YJU2: variants seen among roughly 807,000 people sequenced by gnomAD.
YJU2 encodes splicing factor YJU2.
A neutral mutation model predicts 39.6 loss-of-function variants in YJU2; 28 were observed. The observed-to-expected ratio is 0.71, with a 90% CI of 0.52 to 0.97. YJU2 has a LOEUF of 0.97. YJU2 is among the 50% of genes least tolerant of loss of function. The pLI is 0.00. For missense variants in YJU2, 328 were observed against 430.4 expected, an observed-to-expected ratio of 0.76 and a Z score of 2.11; for synonymous variants, 184 against 182.4, an observed-to-expected ratio of 1.01 and a Z score of -0.07.
In YJU2 at chr19:4,258,410, G is replaced by A. The variant is rs1373968374; in HGVS notation, c.574G>A (p.Glu192Lys). The change falls in exon 5 of 8, where the codon GAG becomes AAG. Residue 192 changes from glutamate (E) to lysine (K), a missense_variant. Around this residue, in one of 2 missense-constraint regions of YJU2, gnomAD observed 244 missense variants for 264.6 expected, o/e 0.92. Transcript: ENST00000262962. The stretch of plus-strand genomic sequence containing the variant: ...GCGGAGGCAGCAGCAGGAGGAGGAC[G>A]AGCAGGAGACCGCGTGAGTCAGGGC... ...ERRRQQQEED[E>K]QETAALLEEA... is the part of the protein sequence containing the mutation. 9.4e-6 allele frequency: 15 copies of A among 1,590,210 alleles called. No individual in the cohort carries two copies. The highest frequency in any genetic ancestry group is 1.3e-5 in the African/African-American group (1 of 74,764).
intron 4 of YJU2, among the ~76,000 whole-genome samples, chr19:4,256,181 A>AAAAAAAAAAT (rs1001505791): frequency 7.9e-6 from 1 of 125,898 alleles, no homozygotes. Flanking sequence ...AAAAAAAAAA[A>AAAAAAAAAAT]ATATATATAT....
At chr19:4,251,656 G>A (rs550949304) in intron 3 of YJU2, among the ~76,000 whole-genome samples, 39 of 146,854 alleles carry the variant, frequency 2.7e-4, no homozygotes, top group African/African-American at 8.7e-4. Flanking sequence ...CTATACTCCA[G>A]TCTGGGTGAC....
At chr19:4,263,788 C>G (rs867762459) in intron 6 of YJU2, among the ~76,000 whole-genome samples, 1 of 127,370 alleles carries the variant, frequency 7.9e-6, no homozygotes, top group Non-Finnish European at 1.6e-5. Flanking sequence ...CCAGCCTGGG[C>G]AACAGAGTGA....
chr19:4,265,658 G>A (rs1003601776), intron 6 of YJU2, among the ~76,000 whole-genome samples: 6 of 151,626 alleles, frequency 4.0e-5, no homozygotes, highest in Non-Finnish European at 8.8e-5. Flanking sequence ...GCACGGTCTC[G>A]GCTCACTGCA....
intron 6 of YJU2, 36 bp from the exon 7 acceptor site, chr19:4,267,588 G>A (rs373838866): frequency 6.6e-5 from 105 of 1,601,576 alleles, no homozygotes; most frequent in Admixed American, 1.0e-4. Context: ...CCCTGGATCC[G>A]GGCCAGACCC....
intron 6 of YJU2, among the ~76,000 whole-genome samples, chr19:4,262,476 G>A (rs1429798468): frequency 6.6e-6 from 1 of 152,078 alleles, no homozygotes; most frequent in East Asian, 1.9e-4. Flanking sequence ...GGGATTACAG[G>A]CGTGAGCCAC....
chr19:4,267,170 C>A (rs554851740), intron 6 of YJU2, among the ~76,000 whole-genome samples: 1 of 151,990 alleles, frequency 6.6e-6, no homozygotes, highest in African/African-American at 2.4e-5. Flanking sequence ...CAGGAGCTCA[C>A]GGCAGAGTTG....
chr19:4,247,571 GTGGGGTGGCGCGTGTGTGTGT>G (rs1970930951), intron 1 of YJU2, among the ~76,000 whole-genome samples: 1 of 89,470 alleles, frequency 1.1e-5, no homozygotes, highest in African/African-American at 9.0e-5. Flanking sequence ...GTGGGGTGGG[GTGGGGTGGCGCGTGTGTGTGT>G]GTGTGTGTGT....
chr19:4,253,067 A>AG (rs1810568650), intron 3 of YJU2, among the ~76,000 whole-genome samples: 1 of 152,096 alleles, frequency 6.6e-6, no homozygotes, highest in Non-Finnish European at 1.5e-5. Context: ...CATCTGTCAC[A>AG]GTAAGATACT....
At chr19:4,250,917 C>G in intron 2 of YJU2, 110 bp from the exon 3 acceptor site, 1 of 1,234,354 alleles carries the variant, frequency 8.1e-7, no homozygotes. Flanking sequence ...GAGGGAGCTC[C>G]CCGTTGCTGG....
intron 6 of YJU2, among the ~76,000 whole-genome samples, chr19:4,265,874 C>A: frequency 6.6e-6 from 1 of 151,826 alleles, no homozygotes; most frequent in East Asian, 1.9e-4. Flanking sequence ...GTTGGGATTA[C>A]AGGTGTGTGC....
intron 1 of YJU2, among the ~76,000 whole-genome samples, chr19:4,247,798 A>G (rs1217647328): frequency 6.6e-6 from 1 of 151,854 alleles, no homozygotes; most frequent in Non-Finnish European, 1.5e-5. Flanking sequence ...TCTGCCTGAC[A>G]GTGGCCAAGA....
intron 6 of YJU2, among the ~76,000 whole-genome samples, chr19:4,266,345 T>C (rs2144700949): frequency 6.6e-6 from 1 of 152,250 alleles, no homozygotes; most frequent in Non-Finnish European, 1.5e-5. Flanking sequence ...CCATTCTCCA[T>C]CCCACCTAGC....
At position 4,260,696 on chromosome 19, in the gene YJU2, G is replaced by A. The variant is rs115224231; in HGVS notation, c.588-1298G>A. Among the ~76,000 whole-genome samples the A allele has an allele frequency of 4.4e-3, 666 of 150,512 alleles. 4 individuals are homozygous for A. Among genetic ancestry groups the A allele is most frequent in the African/African-American group, 0.015 (623 of 41,020 alleles). ...GGCTGGTCTCTAACCCCTGGCTCAA[G>A]CGATCCTCCCGTCTCAGCGTCCCAA... On this transcript the variant is annotated intron_variant, in intron 5 of 7. Coordinates refer to ENST00000262962, the MANE Select transcript of YJU2 (RefSeq NM_018074.6).
At chr19:4,256,652 G>A (rs1971023507) in intron 4 of YJU2, among the ~76,000 whole-genome samples, 1 of 152,204 alleles carries the variant, frequency 6.6e-6, no homozygotes, top group African/African-American at 2.4e-5. Flanking sequence ...GATGGTTGTG[G>A]CTTGGGGGCT....
rs1568359680 is a variant in YJU2, at chr19:4,247,651, GTGTGTGTGT to G, written c.24+482_24+490del. On this transcript the variant is annotated intron_variant, in intron 1 of 7. Coordinates refer to ENST00000262962, the MANE Select transcript of YJU2 (RefSeq NM_018074.6). Reference sequence around the variant, plus strand: ...TGTGTGTGTGTGTGTGTGTGTGTGTGTGTGTGTGTGTGTGTGTGTGTGTGTGTGTGTGTG... The same window carrying G: ...TGTGTGTGTGTGTGTGTGTGTGTGTGGTGTGTGTGTGTGTGTGTGTGTGTG... Among the ~76,000 whole-genome samples, 65 of 70,096 alleles carry G rather than the reference GTGTGTGTGT, an allele frequency of 9.3e-4. 9 individuals carry two copies. The highest frequency in any genetic ancestry group is 1.9e-3 in the African/African-American group (28 of 14,874). The allele number at this position is 70,096 out of a possible 152,430, so 46.0% of individuals were successfully genotyped here. A position where few individuals can be genotyped will look rare whatever the true frequency, so the allele number is the denominator to read the frequency against.
At chr19:4,265,110 C>T (rs1234382353) in intron 6 of YJU2, among the ~76,000 whole-genome samples, 3 of 152,106 alleles carry the variant, frequency 2.0e-5, no homozygotes, top group Non-Finnish European at 2.9e-5. Flanking sequence ...GATTTACTCC[C>T]TCAGTCTTGT....
intron 5 of YJU2, among the ~76,000 whole-genome samples, chr19:4,261,413 C>T (rs1971069551): frequency 6.6e-6 from 1 of 152,078 alleles, no homozygotes; most frequent in Non-Finnish European, 1.5e-5. Context: ...ATCGCTTGAA[C>T]CCAGGAGGCG....
At position 4,267,778 on chromosome 19, in the gene YJU2, A is replaced by G. The variant is rs1568364897; in HGVS notation, c.859+4A>G. 6.2e-7 allele frequency: 1 copy of G among 1,610,010 alleles called. No homozygotes were observed. Among genetic ancestry groups the G allele is most frequent in the African/African-American group, 1.3e-5 (1 of 74,958 alleles). ...CCTCAGGCGGCCCCCACCCCAGGTA[A>G]GGTCACAGAGTTCCCAGAGCCGGGC... On this transcript the variant is annotated splice_donor_region_variant and intron_variant, in intron 7 of 7. Transcript: ENST00000262962.
Sources: allele counts gnomAD v4.1 joint callset (sites outside exome capture counted in the v4.1 genomes callset), GRCh38; gene constraint gnomAD v4.1.1; regional missense constraint gnomAD v4.1.1; transcripts MANE v1.5; gene names NCBI Gene and HGNC (gene_info 2026-07-23, HGNC 2026-07-21).